DALRD3: variants seen among roughly 807,000 people sequenced by gnomAD.
The protein encoded by DALRD3 is DALR anticodon binding domain containing 3.
In DALRD3, 47 loss-of-function variants were observed where a neutral mutation model predicts 56.7. The ratio of observed to expected loss-of-function variants is 0.83; its 90% CI spans 0.66 to 1.06. The LOEUF (loss-of-function observed/expected upper bound fraction) is 1.06. Ranked by LOEUF, DALRD3 falls within the 50% of genes least tolerant of loss-of-function variation. The probability of loss-of-function intolerance (pLI) is 0.00; values close to 1 mark genes in which losing one functional copy is unlikely to be tolerated. For synonymous variants in DALRD3, 347 were observed against 308.5 expected, an observed-to-expected ratio of 1.12 and a Z score of -1.31; for missense variants, 787 against 724.0, an observed-to-expected ratio of 1.09 and a Z score of -1.00.
chr3:49,019,341 G>A (rs1485124247), upstream of DALRD3, among the ~76,000 whole-genome samples: 1 of 152,094 alleles, frequency 6.6e-6, no homozygotes, highest in Non-Finnish European at 1.5e-5. Context: ...AAAGTGCTGG[G>A]ATTACAGGCA....
In DALRD3 at chr3:49,016,008, C is replaced by T. The variant is rs954179101; in HGVS notation, c.1408G>A (p.Ala470Thr). 1.2e-5 allele frequency: 19 copies of T among 1,609,604 alleles called. No individual in the cohort carries two copies. Among genetic ancestry groups the T allele is most frequent in the Non-Finnish European group, 1.6e-5 (19 of 1,176,968 alleles). ...CGTACAGCAATGTGGAGCCCCGGGG[C>T]TGTGCAGTCCAGCACTGCTGTCCGG... The part of the protein sequence containing the change: ...LSRTAVLDCT[A>T]PGLHIAVRTE... The change falls in exon 10 of 12, where the codon GCC (alanine) becomes ACC (threonine). Residue 470 changes from alanine (A) to threonine (T), a missense_variant. Ala to Thr is a moderately conservative substitution (Grantham distance 58, BLOSUM62 0). Coordinates refer to ENST00000341949, the MANE Select transcript of DALRD3 (RefSeq NM_001009996.3).
At chr3:49,019,075 G>A (rs905900701), upstream of DALRD3, 5 of 973,476 alleles carry the variant, frequency 5.1e-6, no homozygotes, top group African/African-American at 1.8e-5. Flanking sequence ...AGATATGGGT[G>A]TTTTTTTGTT....
intron 9 of DALRD3, 27 bp downstream of exon 9, chr3:49,016,131 G>T: frequency 1.2e-6 from 2 of 1,611,688 alleles, no homozygotes; most frequent in South Asian, 1.1e-5. Flanking sequence ...AGGCCTCCTT[G>T]TGCCAGCTAC....
At position 49,015,574 on chromosome 3, in the gene DALRD3, G is replaced by A. The variant is rs146232576; in HGVS notation, c.*14C>T. The A allele has an allele frequency of 1.9e-6, 3 of 1,613,380 alleles. No individual in the cohort carries two copies. Among genetic ancestry groups the A allele is most frequent in the East Asian group, 4.5e-5 (2 of 44,880 alleles). On this transcript the variant is annotated 3_prime_UTR_variant, in exon 12 of 12. Coordinates refer to ENST00000341949, the MANE Select transcript of DALRD3 (RefSeq NM_001009996.3). ...ACTTTGTGAACATTCCCAGGTATTG[G>A]AGCCTCTGTGGCCTTAAATGTGGCT...
Position 49,017,333 on chromosome 3 carries a change from T to A in DALRD3, c.822A>T (p.Thr274=). Residue 274 remains threonine, a synonymous_variant, in exon 5 of 12, where the codon ACA becomes ACT. Coordinates refer to ENST00000341949, the MANE Select transcript of DALRD3 (RefSeq NM_001009996.3). ...PGLAGASDTG[T]GGCLVVHVVS... ...CAACATGTACAACCAGGCAGCCGCC[T>A]GTACCAGTATCTGAGGCCCCAGCCT... is the stretch of plus-strand genomic sequence containing the variant. 1 of 1,614,234 alleles carries A rather than the reference T, an allele frequency of 6.2e-7. No individual in the cohort carries two copies. Among genetic ancestry groups the A allele is most frequent in the Non-Finnish European group, 8.5e-7 (1 of 1,180,044 alleles).
chr3:49,021,075 G>C (rs2093152080), upstream of DALRD3: 1 of 158,374 alleles, frequency 6.3e-6, no homozygotes. The surrounding 1 kb of genome is among the most constrained non-coding windows in gnomAD (Gnocchi z 4.1). Flanking sequence ...CCCGCGCTCG[G>C]TGGCCTTTGT....
chr3:49,015,522 G>A lies in DALRD3; in HGVS notation c.*66C>T. 6.3e-7 allele frequency: 1 copy of A among 1,598,452 alleles called. No individual in the cohort carries two copies. The highest frequency in any genetic ancestry group is 8.5e-7 in the Non-Finnish European group (1 of 1,170,202). On this transcript the variant is annotated 3_prime_UTR_variant, in exon 12 of 12. Transcript: ENST00000341949. ...AACAGTACCAATTTATTTTGGCCGTGGGTTTTTGCTTTTTTTCCAGTTGAT... is the reference window on the plus strand; with the variant it reads ...AACAGTACCAATTTATTTTGGCCGTAGGTTTTTGCTTTTTTTCCAGTTGAT...
chr3:49,020,547 CTG>C, upstream of DALRD3: 1 of 455,826 alleles, frequency 2.2e-6, no homozygotes. Flanking sequence ...CTGAGAGGAA[CTG>C]AGACCCAAGC....
At chr3:49,016,112 G>A (rs769231090) in intron 9 of DALRD3, 26 bp from the exon 10 acceptor site, 3 of 1,608,604 alleles carry the variant, frequency 1.9e-6, no homozygotes, top group South Asian at 2.2e-5. Flanking sequence ...GTGCTGGGAG[G>A]GGAAGTCCAG....
Position 49,018,294 on chromosome 3 carries a change from G to C in DALRD3, c.190C>G (p.Leu64Val). The change falls in exon 2 of 12, where the codon CTC (leucine) becomes GTC (valine). Residue 64 changes from leucine (L) to valine (V), a missense_variant. Transcript: ENST00000341949. Reference sequence around the variant, plus strand: ...ACACCGGGGCCCTGCAGGCAGGCGAGGGCATGGAGCAAATGCTCCGGAACC... The same window carrying C: ...ACACCGGGGCCCTGCAGGCAGGCGACGGCATGGAGCAAATGCTCCGGAACC... ...GQVPEHLLHA[L>V]ACLQGPGVAP... is the part of the protein sequence containing the mutation. 6.9e-7 allele frequency: 1 copy of C among 1,456,398 alleles called. No individual in the cohort carries two copies. 90.2% of individuals were successfully genotyped at this position (1,456,398 alleles called of 1,614,324 possible).
At position 49,017,834 on chromosome 3, in the gene DALRD3, G is replaced by T; in HGVS notation, c.497C>A (p.Pro166Gln). The T allele has an allele frequency of 1.9e-6, 3 of 1,608,602 alleles. No individual in the cohort carries two copies. The highest frequency in any genetic ancestry group is 2.5e-6 in the Non-Finnish European group (3 of 1,179,804). Residue 166 changes from proline (P) to glutamine (Q), a missense_variant, in exon 3 of 12, where the codon CCG becomes CAG. Transcript: ENST00000341949. ...TTGCTGCAGGAAGGTCAGCATGTGC[G>T]GATCCCGCACAGCTGGCACTAGGCG... is the stretch of plus-strand genomic sequence containing the variant. ...CVRLVPAVRD[P>Q]HMLTFLQQLR... is the part of the protein sequence containing the mutation.
At chr3:49,020,037 C>T, upstream of DALRD3, 1 of 480,512 alleles carries the variant, frequency 2.1e-6, no homozygotes, top group South Asian at 1.5e-5. Flanking sequence ...AATAGAGAAG[C>T]TAACTCAGTA....
chr3:49,020,048 G>C (rs552532387), upstream of DALRD3: 2 of 505,712 alleles, frequency 4.0e-6, no homozygotes, highest in Non-Finnish European at 8.1e-6. Context: ...TAACTCAGTA[G>C]AGAGAGTTGG....
At position 49,015,638 on chromosome 3, in the gene DALRD3, G is replaced by T. The variant is rs2093052807; in HGVS notation, c.1582C>A (p.Leu528Ile). ...CCCAGCATAGCCAGGCCAGTATGGA[G>T]CACCTCACGCACAGCTCTCAGAAGC... ...LQLLRAVREV[L>I]HTGLAMLGLP... Residue 528 changes from leucine to isoleucine, a missense_variant, in exon 12 of 12, where the codon CTC becomes ATC. By Grantham distance (5) the Leu-to-Ile change is conservative. Coordinates refer to ENST00000341949, the MANE Select transcript of DALRD3 (RefSeq NM_001009996.3). The T allele has an allele frequency of 6.2e-7, 1 of 1,614,034 alleles. No homozygotes were observed. Among genetic ancestry groups the T allele is most frequent in the Non-Finnish European group, 8.5e-7 (1 of 1,180,040 alleles).
At chr3:49,018,591 G>C (rs962683912), upstream of DALRD3, 2 of 1,519,312 alleles carry the variant, frequency 1.3e-6, no homozygotes, top group African/African-American at 2.9e-5. Context: ...AAGCGGAACC[G>C]GAAAAAAATT....
In DALRD3 at chr3:49,015,813, G is replaced by A. The variant is rs1410958884; in HGVS notation, c.1503C>T (p.His501=). Residue 501 remains histidine (H), a synonymous_variant, in exon 11 of 12, where the codon CAC becomes CAT. Transcript: ENST00000341949. ...TTTGCTGTGTGCTCACCCCCAGGAT[G>A]TGTACCCGGTTGTAGTAGGAGCTGA... ...MDFSSYYNRV[H]ILGEPRPHLF... is the part of the protein sequence containing the mutation. The A allele has an allele frequency of 1.2e-6, 2 of 1,614,070 alleles. No individual in the cohort carries two copies. The highest frequency in any genetic ancestry group is 4.5e-5 in the East Asian group (2 of 44,888).
At chr3:49,021,467 C>T (rs1350556650), upstream of DALRD3, 1 of 153,448 alleles carries the variant, frequency 6.5e-6, no homozygotes, top group East Asian at 1.9e-4. This position sits in a 1 kb window ranked among gnomAD's most constrained non-coding sequence, Gnocchi z 4.1. Flanking sequence ...GCCGAACAGC[C>T]ACCCAAACAC....
rs147920010 is a variant in DALRD3, at chr3:49,016,958, C to A, written c.928-111G>T. ...CAGCCCAGACTCCCTCAAATTGGAA[C>A]TGCCAGGTTGAGTGCCTCCGTCTAC... On this transcript the variant is annotated intron_variant, in intron 5 of 11. Coordinates refer to ENST00000341949, the MANE Select transcript of DALRD3 (RefSeq NM_001009996.3). 921 of 1,304,876 alleles carry A rather than the reference C, an allele frequency of 7.1e-4. 7 individuals carry two copies. The African/African-American group carries it at 0.012, about 16-fold the overall frequency. 80.8% of individuals were successfully genotyped at this position (1,304,876 alleles called of 1,614,324 possible). A position where few individuals can be genotyped will look rare whatever the true frequency, so the allele number is the denominator to read the frequency against.
chr3:49,016,893 C>T (rs1212750527), intron 5 of DALRD3, 46 bp from the exon 6 acceptor site: 2 of 1,609,136 alleles, frequency 1.2e-6, no homozygotes, highest in Admixed American at 3.3e-5. Flanking sequence ...CGCTACTCTC[C>T]AGGAAGTCCC....
Sources: gnomAD v4.1 joint callset for allele counts (sites outside exome capture counted in the v4.1 genomes callset) on GRCh38, gnomAD v4.1.1 for gene constraint, Gnocchi (gnomAD v3.1) non-coding constraint, MANE v1.5 for transcripts, NCBI Gene and HGNC (gene_info 2026-07-23, HGNC 2026-07-21) for gene names.